Variants in COA1 observed in about 807,000 individuals in gnomAD.
COA1 encodes cytochrome c oxidase assembly factor 1.
COA1 carries 13 observed loss-of-function variants against 16.0 expected under a neutral mutation model. The observed-to-expected ratio is 0.81, with a 90% CI of 0.53 to 1.29. COA1 has a LOEUF of 1.29. Ranked by LOEUF, COA1 falls within the 50% of genes most tolerant of loss-of-function variation. The pLI is 0.00. For synonymous variants in COA1, 65 were observed against 65.7 expected (o/e 0.99, Z 0.05); for missense variants, 179 against 177.0 (o/e 1.01, Z -0.06).
In COA1 at chr7:43,661,164, T is replaced by C. The variant is rs1407398513; in HGVS notation, c.-38-12512A>G. On this transcript the variant is annotated intron_variant, in intron 1 of 5. Transcript: ENST00000223336. ...TCACAATAGTTACTTTAGTATGCTA[T>C]GGCTGTTAAATTACCTAATTCTCAA... 2.0e-5 allele frequency among the ~76,000 whole-genome samples: 3 copies of C among 152,384 alleles called. No individual in the cohort carries two copies. The East Asian group carries it at 5.8e-4, about 29-fold the overall frequency.
chr7:43,651,689 TAAAAAA>T (rs539990413), intron 1 of COA1, among the ~76,000 whole-genome samples: 1 of 107,186 alleles, frequency 9.3e-6, no homozygotes, highest in South Asian at 3.0e-4. Flanking sequence ...AGGAAGAGCT[TAAAAAA>T]AAAAAAAAAA....
chr7:43,637,761 A>G (rs140799852), downstream of COA1, among the ~76,000 whole-genome samples: 179 of 152,386 alleles, frequency 1.2e-3, no homozygotes, highest in African/African-American at 4.2e-3. Context: ...GGAGCACTTC[A>G]CTACATAATA....
At chr7:43,632,534 A>G (rs2085283030) in intron 6 of COA1, 1 of 152,226 alleles carries the variant, frequency 6.6e-6, no homozygotes, top group Non-Finnish European at 1.5e-5. Context: ...GAACCATCAG[A>G]GAAACCACAA....
chr7:43,725,075 CT>C (rs1409285949), intron 1 of COA1, among the ~76,000 whole-genome samples: 1 of 152,056 alleles, frequency 6.6e-6, no homozygotes, highest in Non-Finnish European at 1.5e-5. Context: ...CCCGTCTGTA[CT>C]AAAAATACAA....
At chr7:43,635,859 T>C (rs1274360528), downstream of COA1, among the ~76,000 whole-genome samples, 1 of 111,664 alleles carries the variant, frequency 9.0e-6, no homozygotes, top group Non-Finnish European at 2.4e-5. Context: ...GTAGCTCAAG[T>C]TAAAAGATAA....
intron 1 of COA1, chr7:43,649,207 A>G (rs2090241675): frequency 6.6e-6 from 1 of 152,464 alleles, no homozygotes; most frequent in African/African-American, 2.4e-5. Context: ...AGGAACTATT[A>G]TCATCACGCT....
intron 1 of COA1, among the ~76,000 whole-genome samples, chr7:43,697,343 G>A (rs1421344717): frequency 2.0e-5 from 3 of 151,794 alleles, no homozygotes; most frequent in African/African-American, 4.8e-5. Context: ...CCAGGCTGGA[G>A]TGCAGTGGCA....
At chr7:43,636,798 T>C (rs1054727753), downstream of COA1, among the ~76,000 whole-genome samples, 2 of 152,242 alleles carry the variant, frequency 1.3e-5, no homozygotes, top group Non-Finnish European at 2.9e-5. Flanking sequence ...GTGACTTACT[T>C]GAAAGTCATA....
At chr7:43,676,539 A>C (rs1470827464) in intron 1 of COA1, among the ~76,000 whole-genome samples, 2 of 152,220 alleles carry the variant, frequency 1.3e-5, no homozygotes, top group African/African-American at 4.8e-5. Flanking sequence ...AAGCTAAAAA[A>C]AGTTGATCTC....
chr7:43,644,755 TAGATAGGCAGGCAGGCAGGCAGGC>T (rs1203161750), intron 4 of COA1, among the ~76,000 whole-genome samples: 4 of 115,412 alleles, frequency 3.5e-5, no homozygotes, highest in African/African-American at 1.5e-4. Context: ...GATAGATAGA[TAGATAGGCAGGCAGGCAGGCAGGC>T]AGGCAGGCAG....
intron 1 of COA1, among the ~76,000 whole-genome samples, chr7:43,728,080 T>A (rs2095655084): frequency 6.6e-6 from 1 of 151,094 alleles, no homozygotes; most frequent in Non-Finnish European, 1.5e-5. Flanking sequence ...GTTCACACCA[T>A]CCTCCTGCCT....
intron 1 of COA1, among the ~76,000 whole-genome samples, chr7:43,675,227 T>C (rs2093457333): frequency 6.6e-6 from 1 of 152,188 alleles, no homozygotes; most frequent in African/African-American, 2.4e-5. Flanking sequence ...GTGGCACATA[T>C]ACACCATGGA....
intron 1 of COA1, among the ~76,000 whole-genome samples, chr7:43,662,328 C>CAA (rs1466501430): frequency 6.6e-6 from 1 of 152,244 alleles, no homozygotes; most frequent in Non-Finnish European, 1.5e-5. Flanking sequence ...CTCCCAGGTT[C>CAA]AAGCAATTCT....
At position 43,615,205 on chromosome 7, in the gene COA1, G is replaced by A. The variant is rs1035197628; in HGVS notation, c.*134-5710C>T. ...TTGTTTGTTTGTTTTTGATAGGGTC[G>A]TATTCTGTTACCCAGATTGGAGTGC... is the stretch of plus-strand genomic sequence containing the variant. On this transcript the variant is annotated intron_variant and NMD_transcript_variant, in intron 6 of 6. Coordinates refer to the COA1 transcript ENST00000415076. Among the ~76,000 whole-genome samples, 5 of 151,980 alleles carry A rather than the reference G, an allele frequency of 3.3e-5. No individual in the cohort carries two copies. The East Asian group carries it at 7.7e-4, about 23-fold the overall frequency.
intron 1 of COA1, among the ~76,000 whole-genome samples, chr7:43,703,652 T>G (rs989222345): frequency 5.3e-5 from 8 of 152,198 alleles, no homozygotes; most frequent in Non-Finnish European, 1.2e-4. Flanking sequence ...GAAATAAAAA[T>G]AGCAATCCCT....
Position 43,706,342 on chromosome 7 carries a change from C to T in COA1, c.-39+23087G>A, listed in dbSNP as rs117025951. 8.9e-4 allele frequency among the ~76,000 whole-genome samples: 135 copies of T among 151,276 alleles called. 6 individuals are homozygous for T. The East Asian group carries it at 0.026, about 29-fold the overall frequency. ...CACTTGAGCTCAATTCAACACTAGCCTGAGGAACATGGCAAAACCCCATCT... is the reference window on the plus strand; with the variant it reads ...CACTTGAGCTCAATTCAACACTAGCTTGAGGAACATGGCAAAACCCCATCT... On this transcript the variant is annotated intron_variant, in intron 1 of 5. Coordinates refer to ENST00000223336, the MANE Select transcript of COA1 (RefSeq NM_018224.4).
At position 43,644,748 on chromosome 7, in the gene COA1, A is replaced by AGATAGATAGATG. The variant is rs1554501244; in HGVS notation, c.264+502_264+503insCATCTATCTATC. ...TAGATAGATAGATAGATAGATAGAT[A>AGATAGATAGATG]GATAGATAGATAGGCAGGCAGGCAG... On this transcript the variant is annotated intron_variant, in intron 4 of 5. Transcript: ENST00000223336. Among the ~76,000 whole-genome samples, 440 of 90,322 alleles carry AGATAGATAGATG rather than the reference A, an allele frequency of 4.9e-3. 12 individuals carry two copies. Among genetic ancestry groups the AGATAGATAGATG allele is most frequent in the Middle Eastern group, 0.012 (2 of 168 alleles). The allele number at this position is 90,322 out of a possible 152,430, so 59.3% of individuals were successfully genotyped here. A position where few individuals can be genotyped will look rare whatever the true frequency, so the allele number is the denominator to read the frequency against.
chr7:43,713,478 T>A (rs1391712078), intron 1 of COA1, among the ~76,000 whole-genome samples: 1 of 152,168 alleles, frequency 6.6e-6, no homozygotes, highest in Non-Finnish European at 1.5e-5. Context: ...TCTCCCTACC[T>A]ACCTTCCCCT....
At chr7:43,709,434 T>TTGTGTGTGTGTGTG (rs59823123) in intron 1 of COA1, among the ~76,000 whole-genome samples, 46 of 144,894 alleles carry the variant, frequency 3.2e-4, no homozygotes, top group African/African-American at 5.9e-4. Flanking sequence ...CTTTGTTTTA[T>TTGTGTGTGTGTGTG]TGTGTGTGTG....
Sources: allele counts gnomAD v4.1 joint callset (sites outside exome capture counted in the v4.1 genomes callset), GRCh38; gene constraint gnomAD v4.1.1; transcripts MANE v1.5; gene names NCBI Gene and HGNC (gene_info 2026-07-23, HGNC 2026-07-21).